The following GRIK2 variants were observed in gnomAD, a reference collection of about 807,000 sequenced individuals.
GRIK2 encodes glutamate receptor ionotropic, kainate 2.
GRIK2 carries 32 observed loss-of-function variants against 100.3 expected under a neutral mutation model. That is an observed-to-expected ratio of 0.32 (90% confidence interval 0.24 to 0.43). The LOEUF is 0.43. GRIK2 is among the 20% of genes least tolerant of loss of function. The pLI, the probability that GRIK2 is intolerant of heterozygous loss-of-function variation, is 1.00. For synonymous variants in GRIK2, 417 were observed against 389.4 expected, an observed-to-expected ratio of 1.07 and a Z score of -0.83; for missense variants, 843 against 1,114.9, an observed-to-expected ratio of 0.76 and a Z score of 3.47.
At chr6:101,998,812 C>CTTTTTTTTTTTTTTTT (rs755522043) in intron 14 of GRIK2, among the ~76,000 whole-genome samples, 4 of 110,062 alleles carry the variant, frequency 3.6e-5, no homozygotes, top group Non-Finnish European at 5.4e-5. Context: ...TTTTTCTTTT[C>CTTTTTTTTTTTTTTTT]TTTTTTTTTT....
chr6:101,444,493 G>T (rs975015558), intron 2 of GRIK2, among the ~76,000 whole-genome samples: 1 of 151,982 alleles, frequency 6.6e-6, no homozygotes, highest in Non-Finnish European at 1.5e-5. Context: ...TGAAAACATG[G>T]TTTTATAATA....
chr6:101,546,494 A>G (rs1176979285), intron 2 of GRIK2, among the ~76,000 whole-genome samples: 8 of 152,200 alleles, frequency 5.3e-5, no homozygotes, highest in African/African-American at 1.7e-4. Context: ...AAGAGCACAG[A>G]TTAGAGACAA....
At chr6:101,760,604 A>ATTTATTATACATAAT (rs1554259487) in intron 7 of GRIK2, among the ~76,000 whole-genome samples, 8 of 62,088 alleles carry the variant, frequency 1.3e-4, no homozygotes, top group Admixed American at 5.4e-4. Context: ...ATAATTATAT[A>ATTTATTATACATAAT]TAATTATATT....
chr6:101,945,273 G>A (rs575341277), intron 14 of GRIK2, among the ~76,000 whole-genome samples: 31 of 152,076 alleles, frequency 2.0e-4, no homozygotes, highest in African/African-American at 6.3e-4. Context: ...TAAAATTTAC[G>A]TTGGATTTCA....
chr6:101,399,349 G>A lies in GRIK2; in HGVS notation c.72G>A (p.Leu24=), dbSNP rs779499175. The change falls in exon 2 of 17, where the codon CTG becomes CTA. Residue 24 remains leucine, a synonymous_variant. Coordinates refer to ENST00000369134, the MANE Select transcript of GRIK2 (RefSeq NM_021956.5). ...RRTVKLLLCL[L]WIGYSQGTTH... ...CCGTTAAACTCCTGCTCTGTTTACT[G>A]TGGATTGGATATTCTCAAGGAACCA... The A allele has an allele frequency of 2.5e-6, 4 of 1,590,280 alleles. No individual in the cohort carries two copies. In the African/African-American group the frequency reaches 4.0e-5, roughly 16 times the overall value.
At chr6:101,707,149 T>A (rs745941355) in intron 7 of GRIK2, among the ~76,000 whole-genome samples, 3 of 151,716 alleles carry the variant, frequency 2.0e-5, no homozygotes, top group Admixed American at 6.6e-5. Flanking sequence ...TCTCAAAACA[T>A]ATATCCTGAT....
chr6:101,569,174 T>A (rs1297102044), intron 2 of GRIK2, among the ~76,000 whole-genome samples: 2 of 152,078 alleles, frequency 1.3e-5, no homozygotes, highest in Non-Finnish European at 2.9e-5. Flanking sequence ...ATAGGTTACA[T>A]GAACTTTAGC....
intron 7 of GRIK2, among the ~76,000 whole-genome samples, chr6:101,794,565 C>T (rs1050431528): frequency 2.0e-5 from 3 of 151,860 alleles, no homozygotes; most frequent in African/African-American, 7.3e-5. Context: ...TGTAGTGGTT[C>T]CAGAATTTGT....
At chr6:101,538,649 C>G (rs1321362595) in intron 2 of GRIK2, among the ~76,000 whole-genome samples, 1 of 150,682 alleles carries the variant, frequency 6.6e-6, no homozygotes, top group African/African-American at 2.4e-5. Context: ...TGTATTTGCT[C>G]TAAAGGATCC....
chr6:101,929,711 T>C (rs900142734), intron 14 of GRIK2, among the ~76,000 whole-genome samples: 1 of 152,128 alleles, frequency 6.6e-6, no homozygotes, highest in African/African-American at 2.4e-5. Flanking sequence ...AAAATTTTTA[T>C]AAAATTAACT....
chr6:101,613,022 T>C (rs1445506833), intron 2 of GRIK2, among the ~76,000 whole-genome samples: 1 of 151,796 alleles, frequency 6.6e-6, no homozygotes, highest in Non-Finnish European at 1.5e-5. Flanking sequence ...TTTCACGTTA[T>C]AAAAATGACT....
chr6:102,005,415 G>A (rs534129880), intron 14 of GRIK2, among the ~76,000 whole-genome samples: 1 of 151,956 alleles, frequency 6.6e-6, no homozygotes, highest in Non-Finnish European at 1.5e-5. Flanking sequence ...ATTTAAGTGA[G>A]TAAATGCCAG....
intron 2 of GRIK2, among the ~76,000 whole-genome samples, chr6:101,556,154 A>G (rs939811293): frequency 6.6e-6 from 1 of 151,850 alleles, no homozygotes; most frequent in Non-Finnish European, 1.5e-5. Flanking sequence ...AAGACATGAC[A>G]TTTTGAAAAT....
At chr6:102,054,050 A>C (rs1372528281) in intron 15 of GRIK2, among the ~76,000 whole-genome samples, 2 of 152,182 alleles carry the variant, frequency 1.3e-5, no homozygotes, top group Non-Finnish European at 2.9e-5. Context: ...AAAATATTTG[A>C]GTTCTAATTA....
intron 4 of GRIK2, among the ~76,000 whole-genome samples, chr6:101,644,232 G>A (rs765727438): frequency 1.3e-4 from 19 of 151,826 alleles, no homozygotes; most frequent in Admixed American, 4.0e-4. Flanking sequence ...CAAACTGGAA[G>A]TTGAAATCAA....
rs577952494 is a variant in GRIK2 at position 101,556,249 on chromosome 6, C to T, written c.116-65700C>T. ...TTTTCGTAGGGTTATTAGCAGATTT[C>T]ACTAATATTATACATATTTTTAAGT... is the stretch of plus-strand genomic sequence containing the variant. On this transcript the variant is annotated intron_variant, in intron 2 of 16. Transcript: ENST00000369134. 7.2e-4 allele frequency among the ~76,000 whole-genome samples: 106 copies of T among 146,656 alleles called. 1 individual carries two copies. Among genetic ancestry groups the T allele is most frequent in the African/African-American group, 2.5e-3 (100 of 40,110 alleles).
chr6:101,885,749 A>G (rs1786566970), intron 11 of GRIK2, among the ~76,000 whole-genome samples: 2 of 152,112 alleles, frequency 1.3e-5, no homozygotes, highest in African/African-American at 2.4e-5. Flanking sequence ...TTAAAAATAT[A>G]TAATTTATTT....
At chr6:101,466,408 A>G (rs1460636918) in intron 2 of GRIK2, among the ~76,000 whole-genome samples, 3 of 151,866 alleles carry the variant, frequency 2.0e-5, no homozygotes, top group African/African-American at 7.2e-5. Flanking sequence ...GAACATTTCA[A>G]TGAGCTGAAC....
At position 101,431,869 on chromosome 6, in the gene GRIK2, C is replaced by T. The variant is rs550333524; in HGVS notation, c.115+32477C>T. ...ATAACATCACCCATTTAGTGTAGAC[C>T]CACGTGCACTTTTTTTCAGGCATGG... is the stretch of plus-strand genomic sequence containing the variant. On this transcript the variant is annotated intron_variant, in intron 2 of 16. Coordinates refer to ENST00000369134, the MANE Select transcript of GRIK2 (RefSeq NM_021956.5). 1.8e-4 allele frequency among the ~76,000 whole-genome samples: 27 copies of T among 152,108 alleles called. 1 individual carries two copies. The East Asian group carries it at 5.0e-3, about 28-fold the overall frequency.
Sources: allele counts gnomAD v4.1 joint callset (sites outside exome capture counted in the v4.1 genomes callset), GRCh38; gene constraint gnomAD v4.1.1; transcripts MANE v1.5; gene names NCBI Gene and HGNC (gene_info 2026-07-23, HGNC 2026-07-21).